KHDC4: variants seen among roughly 807,000 people sequenced by gnomAD.
KHDC4 encodes the protein KH homology domain-containing protein 4.
Under a neutral mutation model 74.5 loss-of-function variants are expected in KHDC4, and 19 were observed. That is an observed-to-expected ratio of 0.26 (90% confidence interval 0.18 to 0.37). The LOEUF (loss-of-function observed/expected upper bound fraction) is 0.37. Ranked by LOEUF, KHDC4 falls within the 10% of genes least tolerant of loss-of-function variation. The probability of loss-of-function intolerance (pLI) is 1.00; values close to 1 mark genes in which losing one functional copy is unlikely to be tolerated. For missense variants in KHDC4, 632 were observed against 754.1 expected (o/e 0.84, Z 1.90); for synonymous variants, 253 against 266.1 (o/e 0.95, Z 0.48).
At chr1:155,928,743 G>C (rs1257929725) in intron 4 of KHDC4, among the ~76,000 whole-genome samples, 1 of 151,652 alleles carries the variant, frequency 6.6e-6, no homozygotes, top group Non-Finnish European at 1.5e-5. Flanking sequence ...ACAAGGTCAG[G>C]AGATCAAGAC....
chr1:155,919,691 G>C (rs866739933), intron 10 of KHDC4, among the ~76,000 whole-genome samples: 1 of 151,960 alleles, frequency 6.6e-6, no homozygotes, highest in Non-Finnish European at 1.5e-5. Context: ...GGCGCTTGTA[G>C]TCCCAGCTAC....
chr1:155,919,842 TAAATA>T (rs905437033), intron 10 of KHDC4: 18 of 192,616 alleles, frequency 9.3e-5, no homozygotes, highest in East Asian at 1.7e-4. Flanking sequence ...ATAAAATAAA[TAAATA>T]AAATAAAATA....
At chr1:155,919,028 T>G (rs868530821) in intron 10 of KHDC4, among the ~76,000 whole-genome samples, 13 of 144,754 alleles carry the variant, frequency 9.0e-5, no homozygotes, top group African/African-American at 3.3e-4. Context: ...AGTGCAGTGA[T>G]GCAATCTCGG....
intron 7 of KHDC4, among the ~76,000 whole-genome samples, chr1:155,925,029 A>ATTTTTTT (rs34219961): frequency 7.2e-6 from 1 of 138,012 alleles, no homozygotes. Flanking sequence ...CACCTGGCTA[A>ATTTTTTT]TTTTTTTTTT....
At chr1:155,917,793 C>T in intron 10 of KHDC4, 121 bp from the exon 11 acceptor site, 1 of 782,682 alleles carries the variant, frequency 1.3e-6, no homozygotes. Context: ...ATCTTCAGGT[C>T]CTTAGTTTCC....
chr1:155,932,142 A>G (rs1674155121), intron 2 of KHDC4: 1 of 152,224 alleles, frequency 6.6e-6, no homozygotes, highest in East Asian at 1.9e-4. Flanking sequence ...TATTATTTAG[A>G]CAAGGTGTCA....
At chr1:155,914,378 C>T in intron 13 of KHDC4, 58 bp from the exon 14 acceptor site, 1 of 1,294,820 alleles carries the variant, frequency 7.7e-7, no homozygotes, top group Non-Finnish European at 1.1e-6. Flanking sequence ...AAAAAAAATA[C>T]CATAAATTCG....
Position 155,925,700 on chromosome 1 carries a change from G to GC in KHDC4, c.824dup (p.Lys276GlnfsTer7). 6.2e-7 allele frequency: 1 copy of GC among 1,614,150 alleles called. No homozygotes were observed. The highest frequency in any genetic ancestry group is 8.5e-7 in the Non-Finnish European group (1 of 1,180,042). Reference sequence around the variant, plus strand: ...CTGGCTCAATGCAGCCTGAACCTTTGCCCCGCAGGAAGACTTTGGCACCTG... The same window carrying GC: ...CTGGCTCAATGCAGCCTGAACCTTTGCCCCCGCAGGAAGACTTTGGCACCTG... On this transcript the variant is annotated frameshift_variant, in exon 7 of 14. Transcript: ENST00000368321. LOFTEE classifies it high-confidence loss of function.
In KHDC4 at chr1:155,916,607, A is replaced by C. The variant is rs1444340699; in HGVS notation, c.1553+18T>G. 5.2e-6 allele frequency: 8 copies of C among 1,525,764 alleles called. No individual in the cohort carries two copies. Among genetic ancestry groups the C allele is most frequent in the Non-Finnish European group, 7.2e-6 (8 of 1,103,916 alleles). 94.5% of individuals were successfully genotyped at this position (1,525,764 alleles called of 1,614,324 possible). On this transcript the variant is annotated intron_variant, in intron 12 of 13. Coordinates refer to ENST00000368321, the MANE Select transcript of KHDC4 (RefSeq NM_014949.4). ...ACAAATAACATCTGAATACATTTGC[A>C]TAATTATTCCAACTTACCTGTCCCT...
Position 155,926,772 on chromosome 1 carries a change from T to C in KHDC4, c.585A>G (p.Pro195=), listed in dbSNP as rs534128004. 8.1e-6 allele frequency: 13 copies of C among 1,614,208 alleles called. No individual in the cohort carries two copies. The Admixed American group carries it at 1.2e-4, about 14-fold the overall frequency. The change falls in exon 6 of 14, where the codon CCA becomes CCG. Residue 195 remains proline, a synonymous_variant. Transcript: ENST00000368321. The part of the protein sequence containing the change: ...GVVKAATGTS[P]TFNGATVTVY... ...CAGTTACTGTTGCACCATTAAAAGT[T>C]GGACTTGTTCCTGTGGCAGCTTTTA...
chr1:155,916,528 G>GATTTGATTCAAAGATTCA, intron 12 of KHDC4, 97 bp downstream of exon 12: 1 of 803,274 alleles, frequency 1.2e-6, no homozygotes, highest in Non-Finnish European at 2.0e-6. Flanking sequence ...TTTCATTTCA[G>GATTTGATTCAAAGATTCA]TTTCAGAATA....
At position 155,934,352 on chromosome 1, in the gene KHDC4, G is replaced by A. The variant is rs766689208; in HGVS notation, c.22C>T (p.His8Tyr). ...AAGCCGTACCCGCCAGCTCCAGGATGTGTCGCGCTCCCCGCGGACATGGCG... is the reference window on the plus strand; with the variant it reads ...AAGCCGTACCCGCCAGCTCCAGGATATGTCGCGCTCCCCGCGGACATGGCG... Reference protein sequence around the residue: MSAGSATHPGAGGRRSKW... With the variant: MSAGSATYPGAGGRRSKW... Residue 8 changes from histidine (H) to tyrosine (Y), a missense_variant, in exon 1 of 14, where the codon CAT (histidine) becomes TAT (tyrosine). His to Tyr is a moderately conservative substitution (Grantham distance 83). Coordinates refer to ENST00000368321, the MANE Select transcript of KHDC4 (RefSeq NM_014949.4). 2 of 1,611,122 alleles carry A rather than the reference G, an allele frequency of 1.2e-6. No individual in the cohort carries two copies. The highest frequency in any genetic ancestry group is 1.7e-6 in the Non-Finnish European group (2 of 1,179,940).
intron 4 of KHDC4, 43 bp downstream of exon 4, chr1:155,929,253 C>T: frequency 7.3e-7 from 1 of 1,375,292 alleles, no homozygotes; most frequent in Non-Finnish European, 1.0e-6. Flanking sequence ...TAACGTGAGT[C>T]ATACACCCAA....
chr1:155,933,563 C>T, intron 2 of KHDC4, 70 bp downstream of exon 2: 4 of 1,270,982 alleles, frequency 3.1e-6, no homozygotes, highest in Non-Finnish European at 3.3e-6. Context: ...GGATTACAGG[C>T]GTAAGCCACC....
intron 2 of KHDC4, among the ~76,000 whole-genome samples, chr1:155,930,725 T>C (rs1674123087): frequency 6.6e-6 from 1 of 152,144 alleles, no homozygotes; most frequent in Admixed American, 6.5e-5. Context: ...AATTCCTCAC[T>C]CTATTACAGC....
chr1:155,923,716 G>A (rs1673919053), intron 7 of KHDC4, 29 bp from the exon 8 acceptor site: 2 of 1,557,222 alleles, frequency 1.3e-6, no homozygotes, highest in South Asian at 1.1e-5. Context: ...GAATTCAAAG[G>A]AGAGAAAAAT....
chr1:155,928,596 A>T (rs1674074917), intron 4 of KHDC4, among the ~76,000 whole-genome samples: 3 of 10,604 alleles, frequency 2.8e-4, no homozygotes, highest in South Asian at 0.018. Context: ...ATAAAGACAA[A>T]AAAAAAAAAA....
At chr1:155,922,123 G>A (rs1673878626) in intron 8 of KHDC4, 5 of 372,832 alleles carry the variant, frequency 1.3e-5, no homozygotes, top group East Asian at 1.1e-4. Flanking sequence ...GTGCAGTGGC[G>A]CGATCTTGTA....
chr1:155,926,325 CTTTTTTTTT>C (rs34342755), intron 6 of KHDC4: 5 of 175,486 alleles, frequency 2.8e-5, no homozygotes, highest in African/African-American at 4.0e-5. Context: ...TTACTTGGCA[CTTTTTTTTT>C]TTTTTTTTTT....
Sources: gnomAD v4.1 joint callset for allele counts (sites outside exome capture counted in the v4.1 genomes callset) on GRCh38, gnomAD v4.1.1 for gene constraint, MANE v1.5 for transcripts, NCBI Gene and HGNC (gene_info 2026-07-23, HGNC 2026-07-21) for gene names.